The following CSMD1 variants were observed in gnomAD, a reference collection of about 807,000 sequenced individuals.
CSMD1 encodes the protein CUB and sushi domain-containing protein 1.
In CSMD1, 213 loss-of-function variants were observed where a neutral mutation model predicts 417.5. The observed-to-expected ratio is 0.51, with a 90% CI of 0.46 to 0.57. The LOEUF is 0.57. Ranked by LOEUF, CSMD1 falls within the 20% of genes least tolerant of loss-of-function variation. CSMD1 has a pLI of 0.00. For missense variants in CSMD1, 6,923 were observed against 4,529.7 expected, an observed-to-expected ratio of 1.53 and a Z score of -15.17; for synonymous variants, 2,862 against 1,736.8, an observed-to-expected ratio of 1.65 and a Z score of -16.11.
intron 2 of CSMD1, among the ~76,000 whole-genome samples, chr8:4,495,212 T>C (rs1010159490): frequency 6.6e-6 from 1 of 152,208 alleles, no homozygotes; most frequent in Non-Finnish European, 1.5e-5. Flanking sequence ...CTGGGATTTT[T>C]ATAAAAGGAT....
chr8:4,363,079 A>T (rs1289266971), intron 3 of CSMD1, among the ~76,000 whole-genome samples: 1 of 152,206 alleles, frequency 6.6e-6, no homozygotes, highest in Non-Finnish European at 1.5e-5. Flanking sequence ...CAGAGCAGCC[A>T]GGTCACAGTG....
In CSMD1 at chr8:3,490,008, T is replaced by G. The variant is rs566754856; in HGVS notation, c.1448+3615A>C. Among the ~76,000 whole-genome samples, 157 of 152,342 alleles carry G rather than the reference T, an allele frequency of 1.0e-3. 1 individual carries two copies. Among genetic ancestry groups the G allele is most frequent in the African/African-American group, 3.4e-3 (143 of 41,584 alleles). On this transcript the variant is annotated intron_variant, in intron 11 of 69. Coordinates refer to ENST00000635120, the MANE Select transcript of CSMD1 (RefSeq NM_033225.6). ...ATCTGTCATTTCTCCAATTAGATGA[T>G]AGACTCCATGCTGGGAAGAATGTTT...
At position 3,359,277 on chromosome 8, in the gene CSMD1, T is replaced by G; in HGVS notation, c.3179A>C (p.His1060Pro). The change falls in exon 21 of 70, where the codon CAC becomes CCC. Residue 1060 changes from histidine to proline, a missense_variant. Transcript: ENST00000635120. ...CGTCAGAGAGTCTCCCACACCAAAG[T>G]GAAAACCAATTCTTCGGCTGAAGGC... ...VPAFSRRIGF[H>P]FGVGDSLTFS... The G allele has an allele frequency of 6.2e-7, 1 of 1,613,736 alleles. No individual in the cohort carries two copies. The highest frequency in any genetic ancestry group is 8.5e-7 in the Non-Finnish European group (1 of 1,179,822).
chr8:4,178,581 G>C (rs963691238), intron 3 of CSMD1, among the ~76,000 whole-genome samples: 8 of 151,040 alleles, frequency 5.3e-5, no homozygotes, highest in African/African-American at 1.7e-4. Context: ...TTCTGGCCAG[G>C]GCAATTAGGC....
At chr8:4,259,977 G>C (rs897231561) in intron 3 of CSMD1, among the ~76,000 whole-genome samples, 1 of 151,260 alleles carries the variant, frequency 6.6e-6, no homozygotes. Context: ...TTTCACTATT[G>C]ATAACAGACC....
intron 3 of CSMD1, among the ~76,000 whole-genome samples, chr8:4,241,985 T>C (rs1436107125): frequency 6.6e-6 from 1 of 152,226 alleles, no homozygotes; most frequent in East Asian, 1.9e-4. Flanking sequence ...ATGCCAACAG[T>C]GCTTTAAAGT....
At chr8:3,501,076 A>G (rs1796580412) in intron 10 of CSMD1, among the ~76,000 whole-genome samples, 1 of 152,236 alleles carries the variant, frequency 6.6e-6, no homozygotes, top group Non-Finnish European at 1.5e-5. Flanking sequence ...TTTCCCAAAA[A>G]TCAAAAATAA....
intron 6 of CSMD1, among the ~76,000 whole-genome samples, chr8:3,732,227 G>T (rs999916621): frequency 6.6e-6 from 1 of 152,094 alleles, no homozygotes; most frequent in African/African-American, 2.4e-5. Flanking sequence ...TAGCAGTTTC[G>T]CCCGAGGCCA....
chr8:3,504,366 T>C (rs774966434), intron 10 of CSMD1, among the ~76,000 whole-genome samples: 2 of 152,210 alleles, frequency 1.3e-5, no homozygotes, highest in African/African-American at 4.8e-5. Context: ...TCTTCTGTCT[T>C]ATCCGTAAAA....
chr8:4,462,328 G>A (rs12545377), intron 2 of CSMD1, among the ~76,000 whole-genome samples: 25,091 of 151,972 alleles, frequency 0.17, 2,263 homozygotes, highest in African/African-American at 0.23. Context: ...AAAACTATAA[G>A]TGTTTAAAGA....
chr8:4,014,590 A>G (rs1344700673), intron 4 of CSMD1, among the ~76,000 whole-genome samples: 2 of 151,922 alleles, frequency 1.3e-5, no homozygotes, highest in Non-Finnish European at 2.9e-5. Flanking sequence ...AATCTTTATC[A>G]CTCCTGTGAG....
intron 3 of CSMD1, among the ~76,000 whole-genome samples, chr8:4,184,509 C>T (rs1258366713): frequency 1.3e-5 from 2 of 152,110 alleles, no homozygotes; most frequent in Admixed American, 1.3e-4. Flanking sequence ...GGCATGTATA[C>T]ACCATGGAAT....
chr8:4,187,754 G>C (rs933734254), intron 3 of CSMD1, among the ~76,000 whole-genome samples: 2 of 148,932 alleles, frequency 1.3e-5, no homozygotes, highest in African/African-American at 4.9e-5. Flanking sequence ...AACACTCAGA[G>C]AAATATATTT....
intron 3 of CSMD1, among the ~76,000 whole-genome samples, chr8:4,220,590 T>G (rs1381688751): frequency 1.3e-5 from 2 of 151,818 alleles, no homozygotes; most frequent in South Asian, 2.1e-4. Context: ...TTTCCTAGAG[T>G]GATAAGGGTC....
intron 3 of CSMD1, among the ~76,000 whole-genome samples, chr8:4,392,093 CAAGG>C (rs1224160981): frequency 6.6e-6 from 1 of 152,138 alleles, no homozygotes; most frequent in Non-Finnish European, 1.5e-5. Flanking sequence ...CATGAGTGTC[CAAGG>C]AAAGACCAGC....
chr8:3,459,172 G>C (rs1816337624), intron 12 of CSMD1, among the ~76,000 whole-genome samples: 2 of 152,232 alleles, frequency 1.3e-5, no homozygotes, highest in Admixed American at 6.5e-5. Flanking sequence ...ATCTGGAAGA[G>C]GGGCAGAAAT....
intron 9 of CSMD1, among the ~76,000 whole-genome samples, chr8:3,583,823 T>G (rs112281129): frequency 7.9e-5 from 12 of 151,888 alleles, no homozygotes; most frequent in Non-Finnish European, 1.5e-4. Context: ...ACACAAGTAT[T>G]AGGTCCCAGA....
At chr8:3,915,059 T>A (rs1024210740) in intron 5 of CSMD1, among the ~76,000 whole-genome samples, 1 of 152,132 alleles carries the variant, frequency 6.6e-6, no homozygotes, top group South Asian at 2.1e-4. Context: ...AGGCAGGGAA[T>A]AGTTATTGAA....
At chr8:4,464,864 G>GTTTTATTAGTTTTTTATTAGT (rs1800065747) in intron 2 of CSMD1, among the ~76,000 whole-genome samples, 1 of 152,068 alleles carries the variant, frequency 6.6e-6, no homozygotes, top group African/African-American at 2.4e-5. Context: ...TGCTGTGTTA[G>GTTTTATTAGTTTTTTATTAGT]TTTTATTAGT....
Sources: allele counts gnomAD v4.1 joint callset (sites outside exome capture counted in the v4.1 genomes callset), GRCh38; gene constraint gnomAD v4.1.1; transcripts MANE v1.5; gene names NCBI Gene and HGNC (gene_info 2026-07-23, HGNC 2026-07-21).